Variants in GRIK2 observed in about 807,000 individuals in gnomAD.
GRIK2 encodes the protein glutamate ionotropic receptor kainate type subunit 2, also known as glutamate receptor ionotropic, kainate 2.
A neutral mutation model predicts 100.3 loss-of-function variants in GRIK2; 32 were observed. The observed-to-expected ratio is 0.32, with a 90% confidence interval of 0.24 to 0.43. GRIK2 has a LOEUF of 0.43. Ranked by LOEUF, GRIK2 falls within the 20% of genes least tolerant of loss-of-function variation. GRIK2 has a pLI of 1.00. For synonymous variants in GRIK2, 417 were observed against 389.4 expected (o/e 1.07, Z -0.83); for missense variants, 843 against 1,114.9 (o/e 0.76, Z 3.47).
intron 14 of GRIK2, among the ~76,000 whole-genome samples, chr6:102,021,350 G>A (rs1438691732): frequency 1.3e-5 from 2 of 151,354 alleles, no homozygotes; most frequent in Non-Finnish European, 3.0e-5. Context: ...GGGTAAACTA[G>A]TTCCTTTATT....
chr6:101,682,190 A>T (rs993465313), intron 5 of GRIK2, among the ~76,000 whole-genome samples: 4 of 152,212 alleles, frequency 2.6e-5, no homozygotes, highest in African/African-American at 9.6e-5. Context: ...TGTTCATTAA[A>T]ATAAAATGGT....
chr6:101,774,802 T>C (rs1230626991), intron 7 of GRIK2, among the ~76,000 whole-genome samples: 1 of 152,108 alleles, frequency 6.6e-6, no homozygotes. Context: ...GTTTAGATAA[T>C]GTGGCAGTAA....
intron 10 of GRIK2, among the ~76,000 whole-genome samples, chr6:101,839,073 C>T (rs1783334304): frequency 1.3e-5 from 2 of 151,746 alleles, no homozygotes; most frequent in Non-Finnish European, 2.9e-5. Flanking sequence ...TTTGTTTTTA[C>T]AAGAATGCCT....
chr6:101,913,008 T>C (rs1331002431), intron 12 of GRIK2, among the ~76,000 whole-genome samples: 2 of 151,594 alleles, frequency 1.3e-5, no homozygotes, highest in African/African-American at 4.8e-5. Flanking sequence ...TGATTCTGGA[T>C]ATATTTTATT....
intron 2 of GRIK2, among the ~76,000 whole-genome samples, chr6:101,470,484 A>T (rs768653155): frequency 2.6e-5 from 4 of 152,176 alleles, no homozygotes; most frequent in Non-Finnish European, 5.9e-5. Flanking sequence ...TCCAAATGAG[A>T]AGCGAAATGC....
chr6:101,890,246 A>T (rs1335362323), intron 12 of GRIK2: 2 of 158,348 alleles, frequency 1.3e-5, no homozygotes, highest in East Asian at 3.7e-4. Flanking sequence ...CAAAGTACTA[A>T]AATTTAAAAG....
chr6:101,871,851 T>C (rs1785441115), intron 11 of GRIK2, among the ~76,000 whole-genome samples: 1 of 152,000 alleles, frequency 6.6e-6, no homozygotes, highest in South Asian at 2.1e-4. Flanking sequence ...CAGGTGAATG[T>C]ATCTCTTTGG....
chr6:101,599,723 AT>A (rs1779108658), intron 2 of GRIK2, among the ~76,000 whole-genome samples: 2 of 151,210 alleles, frequency 1.3e-5, no homozygotes, highest in African/African-American at 4.9e-5. Context: ...AAAATTGTTC[AT>A]GTTTTTTTGC....
At chr6:101,668,727 G>A (rs1770213571) in intron 4 of GRIK2, among the ~76,000 whole-genome samples, 1 of 152,160 alleles carries the variant, frequency 6.6e-6, no homozygotes, top group South Asian at 2.1e-4. Flanking sequence ...TCACTAGTTT[G>A]TGTAGCTGCC....
rs61497142 is a variant in GRIK2, at chr6:101,494,925, CAAATAAAT to C, written c.115+95542_115+95549del. ...TGGGAGACAGAGTGAGACTCTATCA[CAAATAAAT>C]AAATAAATGAAATAAAAAGTAATAC... On this transcript the variant is annotated intron_variant, in intron 2 of 16. Coordinates refer to ENST00000369134, the MANE Select transcript of GRIK2 (RefSeq NM_021956.5). Among the ~76,000 whole-genome samples, 304 of 139,670 alleles carry C rather than the reference CAAATAAAT, an allele frequency of 2.2e-3. 9 individuals are homozygous for C. In the East Asian group the frequency reaches 0.056, roughly 26 times the overall value. 91.6% of individuals were successfully genotyped at this position (139,670 alleles called of 152,430 possible). A position where few individuals can be genotyped will look rare whatever the true frequency, so the allele number is the denominator to read the frequency against.
chr6:101,943,256 T>C (rs1791067422), intron 14 of GRIK2, among the ~76,000 whole-genome samples: 1 of 152,210 alleles, frequency 6.6e-6, no homozygotes, highest in Admixed American at 6.5e-5. Flanking sequence ...ACCTAGATTT[T>C]AGAGGACGTA....
chr6:101,547,487 A>G (rs1263057297), intron 2 of GRIK2, among the ~76,000 whole-genome samples: 2 of 152,166 alleles, frequency 1.3e-5, no homozygotes, highest in Non-Finnish European at 2.9e-5. Flanking sequence ...ACCCCACAAC[A>G]GGACCCAGTC....
intron 2 of GRIK2, among the ~76,000 whole-genome samples, chr6:101,408,286 A>G (rs900067919): frequency 3.9e-5 from 6 of 152,102 alleles, no homozygotes; most frequent in African/African-American, 1.2e-4. Context: ...AACCTTTAAG[A>G]AGTTCTTGAG....
At chr6:101,790,191 C>T (rs908350343) in intron 7 of GRIK2, among the ~76,000 whole-genome samples, 2 of 151,874 alleles carry the variant, frequency 1.3e-5, no homozygotes, top group South Asian at 2.1e-4. Flanking sequence ...AATTGAATAC[C>T]CTTTATTTCC....
chr6:101,595,698 A>ATGTGTGTG (rs200462444), intron 2 of GRIK2, among the ~76,000 whole-genome samples: 16 of 136,718 alleles, frequency 1.2e-4, no homozygotes, highest in East Asian at 6.5e-4. Context: ...GTATATATAT[A>ATGTGTGTG]TGTGTGTGTG....
intron 9 of GRIK2, among the ~76,000 whole-genome samples, chr6:101,807,774 G>A (rs9390785): frequency 0.2 from 31,088 of 151,720 alleles, 4,961 homozygotes; most frequent in East Asian, 0.65. Flanking sequence ...TGGGTAGATT[G>A]CCTGCTGAGA....
At position 101,641,253 on chromosome 6, in the gene GRIK2, T is replaced by C. The variant is rs1428684273; in HGVS notation, c.541+14616T>C. Among the ~76,000 whole-genome samples, 7 of 152,204 alleles carry C rather than the reference T, an allele frequency of 4.6e-5. No homozygotes were observed. The East Asian group carries it at 1.3e-3, about 29-fold the overall frequency. ...TTAAAAAATGTACAAAAAGTACTAA[T>C]TAATTACATGTGCAATGATTCTGAC... On this transcript the variant is annotated intron_variant, in intron 4 of 16. Transcript: ENST00000369134.
chr6:101,599,840 A>G (rs62419659), intron 2 of GRIK2, among the ~76,000 whole-genome samples: 10,256 of 151,648 alleles, frequency 0.068, 383 homozygotes, highest in South Asian at 0.084. Flanking sequence ...CTTTTCTTCT[A>G]TCCTGTAGGT....
intron 2 of GRIK2, among the ~76,000 whole-genome samples, chr6:101,505,139 A>G (rs1773958943): frequency 6.6e-6 from 1 of 151,794 alleles, no homozygotes; most frequent in Non-Finnish European, 1.5e-5. Context: ...TTGATATCTT[A>G]AATTGTTGAG....
Sources: gnomAD v4.1 joint callset for allele counts (sites outside exome capture counted in the v4.1 genomes callset) on GRCh38, gnomAD v4.1.1 for gene constraint, MANE v1.5 for transcripts, NCBI Gene and HGNC (gene_info 2026-07-23, HGNC 2026-07-21) for gene names.